Variants in NRG1 observed in about 807,000 individuals in gnomAD.
NRG1 encodes the protein neuregulin 1.
NRG1 carries 18 observed loss-of-function variants against 63.8 expected under a neutral mutation model. The observed-to-expected ratio is 0.28, with a 90% CI of 0.19 to 0.42. NRG1 has a LOEUF of 0.42. Ranked by LOEUF, NRG1 falls within the 10% of genes least tolerant of loss-of-function variation. The pLI, the probability that NRG1 is intolerant of heterozygous loss-of-function variation, is 1.00. For missense variants in NRG1, 762 were observed against 814.7 expected (o/e 0.94, Z 0.79); for synonymous variants, 302 against 301.3 (o/e 1.00, Z -0.02).
intron 6 of NRG1, among the ~76,000 whole-genome samples, chr8:32,729,934 A>G (rs1823214974): frequency 6.6e-6 from 1 of 152,152 alleles, no homozygotes; most frequent in Non-Finnish European, 1.5e-5. Context: ...TGAAAAAAGT[A>G]GATACAGTGC....
At chr8:32,449,922 G>T (rs1820749777) in intron 1 of NRG1, among the ~76,000 whole-genome samples, 1 of 152,164 alleles carries the variant, frequency 6.6e-6, no homozygotes, top group Non-Finnish European at 1.5e-5. Flanking sequence ...GCAGAGCACA[G>T]GATATTTGGG....
At position 31,754,315 on chromosome 8, in the gene NRG1, A is replaced by G. The variant is rs1019534733; in HGVS notation, c.37+114884A>G. Among the ~76,000 whole-genome samples, 3 of 152,090 alleles carry G rather than the reference A, an allele frequency of 2.0e-5. 1 individual carries two copies. The highest frequency in any genetic ancestry group is 6.3e-3 in the Middle Eastern group (2 of 316). ...AGTTTCTCATGAAGAGTTTAGTACT[A>G]TCCCCTTGGTACTGTCCTCATGATA... On this transcript the variant is annotated intron_variant, in intron 1 of 10. Transcript: ENST00000519301.
At chr8:32,242,096 G>A (rs776636945) in intron 1 of NRG1, among the ~76,000 whole-genome samples, 62 of 152,074 alleles carry the variant, frequency 4.1e-4, no homozygotes, top group Non-Finnish European at 1.2e-4. Context: ...GTCTTAATTT[G>A]ACCAACAACT....
intron 1 of NRG1, among the ~76,000 whole-genome samples, chr8:32,073,842 A>C (rs1391613237): frequency 6.6e-6 from 1 of 152,206 alleles, no homozygotes; most frequent in African/African-American, 2.4e-5. Context: ...ATCATAGATT[A>C]GAAAGTTATT....
chr8:32,048,446 C>CATATATATATATATAT (rs869311093), intron 1 of NRG1, among the ~76,000 whole-genome samples: 1 of 6,706 alleles, frequency 1.5e-4, no homozygotes, highest in African/African-American at 1.7e-4. Flanking sequence ...TATATACATA[C>CATATATATATATATAT]ATATATATAT....
intron 1 of NRG1, among the ~76,000 whole-genome samples, chr8:31,906,160 G>A (rs1277893551): frequency 6.6e-6 from 1 of 152,132 alleles, no homozygotes; most frequent in Admixed American, 6.5e-5. Context: ...GGCCAAAGCT[G>A]CCATTTTAAA....
intron 1 of NRG1, among the ~76,000 whole-genome samples, chr8:32,068,214 TGAAA>T (rs1464325795): frequency 6.6e-6 from 1 of 152,210 alleles, no homozygotes; most frequent in Non-Finnish European, 1.5e-5. Flanking sequence ...CTGTAAAATA[TGAAA>T]GAAAGACTTT....
intron 1 of NRG1, among the ~76,000 whole-genome samples, chr8:32,122,992 G>A (rs769927073): frequency 6.6e-5 from 10 of 151,702 alleles, no homozygotes; most frequent in South Asian, 2.1e-4. Flanking sequence ...CTATGCAGCC[G>A]TAAAAAATGA....
chr8:32,460,715 A>G (rs1822201257), intron 1 of NRG1, among the ~76,000 whole-genome samples: 2 of 152,218 alleles, frequency 1.3e-5, no homozygotes, highest in Non-Finnish European at 1.5e-5. Flanking sequence ...CTTTCAAACA[A>G]CTTCCAAGAG....
At chr8:31,690,513 G>A (rs902066722) in intron 1 of NRG1, among the ~76,000 whole-genome samples, 1 of 152,206 alleles carries the variant, frequency 6.6e-6, no homozygotes, top group Non-Finnish European at 1.5e-5. Flanking sequence ...AGGAGAGCGT[G>A]TGCAGACGCC....
chr8:32,404,166 C>T (rs888282297), intron 1 of NRG1, among the ~76,000 whole-genome samples: 1 of 152,140 alleles, frequency 6.6e-6, no homozygotes, highest in Admixed American at 6.5e-5. Flanking sequence ...TCCTGTTTTG[C>T]ACCTGCAGGT....
At chr8:32,047,249 A>G (rs1284443636) in intron 1 of NRG1, among the ~76,000 whole-genome samples, 1 of 152,074 alleles carries the variant, frequency 6.6e-6, no homozygotes, top group East Asian at 1.9e-4. Flanking sequence ...TTTGGTTTTC[A>G]AAGACTTGAA....
chr8:31,977,892 T>C (rs1223271803), intron 1 of NRG1, among the ~76,000 whole-genome samples: 1 of 152,068 alleles, frequency 6.6e-6, no homozygotes, highest in Non-Finnish European at 1.5e-5. Flanking sequence ...GGGTAACAAA[T>C]GTTTGATGGT....
At chr8:32,757,869 A>T (rs1265844436) in intron 9 of NRG1, among the ~76,000 whole-genome samples, 1 of 152,172 alleles carries the variant, frequency 6.6e-6, no homozygotes, top group Non-Finnish European at 1.5e-5. Context: ...AGTGTTCAAT[A>T]ATTGTTAAGT....
chr8:32,343,970 A>T (rs752038771), intron 1 of NRG1, among the ~76,000 whole-genome samples: 5 of 152,234 alleles, frequency 3.3e-5, no homozygotes, highest in Admixed American at 3.3e-4. Context: ...AAAATGCTCA[A>T]TCTTCCATGC....
intron 5 of NRG1, among the ~76,000 whole-genome samples, chr8:32,629,299 A>G (rs765095394): frequency 2.0e-5 from 3 of 152,176 alleles, no homozygotes; most frequent in Non-Finnish European, 4.4e-5. Context: ...TGCTTGAACC[A>G]CAGTCTTGCC....
chr8:32,531,285 C>T (rs1285430043), intron 1 of NRG1, among the ~76,000 whole-genome samples: 1 of 151,742 alleles, frequency 6.6e-6, no homozygotes, highest in East Asian at 1.9e-4. Flanking sequence ...TTGAGAAGAC[C>T]CTGTAATCTG....
intron 1 of NRG1, among the ~76,000 whole-genome samples, chr8:31,865,868 T>C (rs1000696408): frequency 1.3e-5 from 2 of 152,188 alleles, no homozygotes; most frequent in African/African-American, 4.8e-5. Context: ...AGCAGTCATA[T>C]TATTAGTAAG....
intron 1 of NRG1, among the ~76,000 whole-genome samples, chr8:32,051,139 C>A (rs1474899172): frequency 6.6e-6 from 1 of 151,882 alleles, no homozygotes; most frequent in Non-Finnish European, 1.5e-5. Context: ...GTGTTTCACC[C>A]AAATATTTGT....
Sources: gnomAD v4.1 joint callset for allele counts (sites outside exome capture counted in the v4.1 genomes callset) on GRCh38, gnomAD v4.1.1 for gene constraint, MANE v1.5 for transcripts, NCBI Gene and HGNC (gene_info 2026-07-23, HGNC 2026-07-21) for gene names.